The following TMEM272 variants were observed in gnomAD, a reference collection of about 807,000 sequenced individuals.
TMEM272 encodes the protein long intergenic non-protein coding RNA 282.
Under a neutral mutation model 3.7 loss-of-function variants are expected in TMEM272, and 8 were observed. The ratio of observed to expected loss-of-function variants is 2.17; its 90% CI spans 1.27 to 3.91. The LOEUF (loss-of-function observed/expected upper bound fraction) is 3.91. Among genes scored for constraint, TMEM272 ranks in the 30% most tolerant of loss-of-function variants. The probability of loss-of-function intolerance (pLI) is 0.00; values close to 1 mark genes in which losing one functional copy is unlikely to be tolerated. For missense variants in TMEM272, 166 were observed against 91.5 expected (o/e 1.81, Z -3.32); for synonymous variants, 63 against 39.8 (o/e 1.58, Z -2.20).
At chr13:51,894,833 G>A in the TMEM272 span, among the ~76,000 whole-genome samples, 2 of 151,856 alleles carry the variant, frequency 1.3e-5, no homozygotes, top group African/African-American at 2.4e-5. Flanking sequence ...AATATATAAC[G>A]GAATAATTCT....
At chr13:51,871,696 C>G in the TMEM272 span, among the ~76,000 whole-genome samples, 9 of 152,164 alleles carry the variant, frequency 5.9e-5, no homozygotes, top group African/African-American at 2.2e-4. Flanking sequence ...TCCCAACTCA[C>G]AGAAATTGTG....
At chr13:51,844,890 A>G (rs1305418998) in intron 1 of TMEM272, 126 bp downstream of exon 1, 2 of 152,220 alleles carry the variant, frequency 1.3e-5, no homozygotes, top group Admixed American at 1.3e-4. Context: ...CACTTCCACA[A>G]TGTAGTCATT....
the TMEM272 span, among the ~76,000 whole-genome samples, chr13:51,890,494 C>T: frequency 6.6e-6 from 1 of 152,266 alleles, no homozygotes. Flanking sequence ...AGCCCAGGAC[C>T]CTCACCAGAA....
At position 51,816,884 on chromosome 13, in the gene TMEM272, T is replaced by C; in HGVS notation, c.431A>G (p.Tyr144Cys). The C allele has an allele frequency of 1.4e-6, 1 of 702,966 alleles. No homozygotes were observed. The highest frequency in any genetic ancestry group is 2.6e-6 in the Non-Finnish European group (1 of 384,990). 43.5% of individuals were successfully genotyped at this position (702,966 alleles called of 1,614,324 possible). A position where few individuals can be genotyped will look rare whatever the true frequency, so the allele number is the denominator to read the frequency against. Residue 144 changes from tyrosine to cysteine, a missense_variant, in exon 5 of 5, where the codon TAC becomes TGC. Tyr to Cys is a radical substitution (Grantham distance 194, BLOSUM62 -2). Coordinates refer to ENST00000629372, the MANE Select transcript of TMEM272 (RefSeq NM_001351003.2). ...FLPPFQQPQD[Y>C]CDKTLYLFAV... ...AAAGAGGTACAGGGTTTTGTCACAG[T>C]AGTCCTGAGGCTGCTGGAAAGGGGG... is the stretch of plus-strand genomic sequence containing the variant.
chr13:51,865,390 G>C, the TMEM272 span: 5 of 1,594,626 alleles, frequency 3.1e-6, no homozygotes, highest in Non-Finnish European at 1.7e-6. Context: ...TGGCCACCCC[G>C]CCATTCCGGC....
chr13:51,886,521 T>A, the TMEM272 span, among the ~76,000 whole-genome samples: 1 of 152,220 alleles, frequency 6.6e-6, no homozygotes, highest in Non-Finnish European at 1.5e-5. Context: ...AGCACTAGGA[T>A]TTGAAACCAG....
chr13:51,877,838 T>C, the TMEM272 span, among the ~76,000 whole-genome samples: 1 of 152,260 alleles, frequency 6.6e-6, no homozygotes, highest in Admixed American at 6.5e-5. Flanking sequence ...AAACTTAAAA[T>C]TGTAATTTTT....
At chr13:51,917,746 G>A in the TMEM272 span, among the ~76,000 whole-genome samples, 1 of 152,178 alleles carries the variant, frequency 6.6e-6, no homozygotes, top group East Asian at 1.9e-4. Flanking sequence ...CATTGATGGG[G>A]CTTAAACGAG....
chr13:51,919,531 TA>T, the TMEM272 span, among the ~76,000 whole-genome samples: 4 of 141,634 alleles, frequency 2.8e-5, no homozygotes, highest in African/African-American at 1.0e-4. Flanking sequence ...TACATAAAAT[TA>T]TTTTTTTTAA....
chr13:51,916,666 T>C, the TMEM272 span, among the ~76,000 whole-genome samples: 8 of 152,238 alleles, frequency 5.3e-5, no homozygotes, highest in East Asian at 5.8e-4. Flanking sequence ...TGGGGCGCCA[T>C]TGGCCCAGAG....
chr13:51,868,227 G>A, the TMEM272 span, among the ~76,000 whole-genome samples: 1 of 152,134 alleles, frequency 6.6e-6, no homozygotes, highest in Non-Finnish European at 1.5e-5. Flanking sequence ...TCTTGCCTAC[G>A]GGAAGCTTTC....
the TMEM272 span, among the ~76,000 whole-genome samples, chr13:51,901,077 A>C: frequency 0.013 from 2,050 of 152,334 alleles, 45 homozygotes; most frequent in African/African-American, 0.047. Flanking sequence ...AAAACCACTG[A>C]ATTATAAACT....
intron 2 of TMEM272, among the ~76,000 whole-genome samples, chr13:51,837,706 G>C (rs560863015): frequency 6.4e-4 from 98 of 152,330 alleles, no homozygotes; most frequent in African/African-American, 2.3e-3. Context: ...CGTCATGGGA[G>C]GAGAAGTGGG....
the TMEM272 span, among the ~76,000 whole-genome samples, chr13:51,891,543 A>C: frequency 2.6e-5 from 4 of 152,256 alleles, no homozygotes; most frequent in East Asian, 7.7e-4. Flanking sequence ...AGGGATTTCC[A>C]GAATGAGCCC....
At chr13:51,927,876 A>G in the TMEM272 span, among the ~76,000 whole-genome samples, 1,095 of 152,174 alleles carry the variant, frequency 7.2e-3, 6 homozygotes, top group African/African-American at 0.024. Flanking sequence ...AATTCCCCTT[A>G]ACCTTCACAA....
the TMEM272 span, chr13:51,865,503 T>C: frequency 6.2e-6 from 10 of 1,614,052 alleles, no homozygotes; most frequent in African/African-American, 6.7e-5. Flanking sequence ...AAGAAACTAA[T>C]GCACAAGCTG....
At chr13:51,876,654 T>C in the TMEM272 span, among the ~76,000 whole-genome samples, 1 of 152,218 alleles carries the variant, frequency 6.6e-6, no homozygotes, top group African/African-American at 2.4e-5. Context: ...GAGCAATGGG[T>C]GGTGAGCAAG....
chr13:51,816,653 C>CTGTGTGTG lies in TMEM272; in HGVS notation c.*90_*97dup, dbSNP rs111925186. 13,049 of 571,560 alleles carry CTGTGTGTG rather than the reference C, an allele frequency of 0.023. 112 individuals are homozygous for CTGTGTGTG. The highest frequency in any genetic ancestry group is 0.059 in the Admixed American group (2,078 of 35,332). 35.4% of individuals were successfully genotyped at this position (571,560 alleles called of 1,614,324 possible). On this transcript the variant is annotated 3_prime_UTR_variant, in exon 5 of 5. Transcript: ENST00000629372. ...ATTACCTTTATGCCCTTCTCTGAACCTGTGTGTGTGTGTGTGTGTGTGTGC... is the reference window on the plus strand; with the variant it reads ...ATTACCTTTATGCCCTTCTCTGAACCTGTGTGTGTGTGTGTGTGTGTGTGTGTGTGTGC...
chr13:51,931,429 A>G, the TMEM272 span, among the ~76,000 whole-genome samples: 1 of 151,800 alleles, frequency 6.6e-6, no homozygotes, highest in Non-Finnish European at 1.5e-5. Context: ...CGTAAGTGGG[A>G]GATGAACAAT....
Sources: allele counts gnomAD v4.1 joint callset (sites outside exome capture counted in the v4.1 genomes callset), GRCh38; gene constraint gnomAD v4.1.1; transcripts MANE v1.5; gene names NCBI Gene and HGNC (gene_info 2026-07-23, HGNC 2026-07-21).